Variants in SRSF3 observed in about 807,000 individuals in gnomAD.
The protein encoded by SRSF3 is serine/arginine-rich splicing factor 3.
For missense variants in SRSF3, 58 were observed against 217.1 expected (o/e 0.27, Z 4.61); for synonymous variants, 87 against 73.6 (o/e 1.18, Z -0.93).
At chr6:36,601,672 T>A in intron 4 of SRSF3, 36 bp from the exon 5 acceptor site, 2 of 1,522,172 alleles carry the variant, frequency 1.3e-6, no homozygotes, top group Non-Finnish European at 1.8e-6. Flanking sequence ...AATTTTATCA[T>A]ACCTCATTGG....
chr6:36,599,085 A>G, intron 3 of SRSF3, 102 bp downstream of exon 3: 1 of 1,415,964 alleles, frequency 7.1e-7, no homozygotes, highest in South Asian at 1.3e-5. Context: ...ACTTTGGAAG[A>G]ATCGGAGGTT....
At chr6:36,601,473 G>C (rs1338526325) in intron 4 of SRSF3, 18 of 568,692 alleles carry the variant, frequency 3.2e-5, no homozygotes, top group Non-Finnish European at 5.3e-5. Context: ...TCAGCCTCCT[G>C]AGTAGCTTGG....
At chr6:36,598,010 T>A (rs988533516) in intron 2 of SRSF3, among the ~76,000 whole-genome samples, 1 of 152,056 alleles carries the variant, frequency 6.6e-6, no homozygotes, top group Non-Finnish European at 1.5e-5. Context: ...TATAATTTCT[T>A]CTGTGCTGAC....
chr6:36,595,795 A>G (rs576977481), intron 1 of SRSF3, among the ~76,000 whole-genome samples: 4 of 152,342 alleles, frequency 2.6e-5, no homozygotes, highest in Admixed American at 1.3e-4. Flanking sequence ...ATTTTTTAAA[A>G]AACTGTAAAG....
rs748849636 is a variant in SRSF3, at chr6:36,602,202, T to C, written c.*213T>C. The C allele has an allele frequency of 4.0e-5, 38 of 954,772 alleles. No individual in the cohort carries two copies. Among genetic ancestry groups the C allele is most frequent in the Admixed American group, 7.3e-5 (2 of 27,432 alleles). The allele number at this position is 954,772 out of a possible 1,614,324, so 59.1% of individuals were successfully genotyped here. A position where few individuals can be genotyped will look rare whatever the true frequency, so the allele number is the denominator to read the frequency against. On this transcript the variant is annotated 3_prime_UTR_variant, in exon 6 of 6. Coordinates refer to ENST00000373715, the MANE Select transcript of SRSF3 (RefSeq NM_003017.5). ...CATACGAGGCATGTAATACCAAGAA[T>C]TGTTACTTTACAATGTTCCCTTAAG...
At chr6:36,595,366 T>C (rs1040830017) in intron 1 of SRSF3, among the ~76,000 whole-genome samples, 1 of 152,242 alleles carries the variant, frequency 6.6e-6, no homozygotes, top group Non-Finnish European at 1.5e-5. Flanking sequence ...AATTTTTTAT[T>C]AAAGTGAAAT....
intron 3 of SRSF3, 94 bp from the exon 4 acceptor site, chr6:36,601,058 A>T (rs536565687): frequency 1.3e-6 from 1 of 745,634 alleles, no homozygotes; most frequent in Admixed American, 3.2e-5. Context: ...CGGCACATTC[A>T]CTGGGCCCAA....
chr6:36,601,040 C>T (rs1778707718), intron 3 of SRSF3, 112 bp from the exon 4 acceptor site: 1 of 308,156 alleles, frequency 3.2e-6, no homozygotes, highest in Non-Finnish European at 5.4e-6. Context: ...CGATGGGTGC[C>T]AGTTCTTCGG....
Position 36,602,673 on chromosome 6 carries a change from T to TAC in SRSF3, c.*684_*685insAC. ...ATGTCCTGCCAGTTTAAGGGTACAT[T>TAC]GTAGAGCCGAACTTTGAGTTACTGT... On this transcript the variant is annotated 3_prime_UTR_variant, in exon 6 of 6. Transcript: ENST00000373715. 1 of 215,072 alleles carries TAC rather than the reference T, an allele frequency of 4.6e-6. No individual in the cohort carries two copies. Among genetic ancestry groups the TAC allele is most frequent in the Admixed American group, 5.8e-5 (1 of 17,202 alleles). The allele number at this position is 215,072 out of a possible 1,614,324, so 13.3% of individuals were successfully genotyped here. A position where few individuals can be genotyped will look rare whatever the true frequency, so the allele number is the denominator to read the frequency against.
At chr6:36,596,388 TTC>T (rs1434558630) in intron 1 of SRSF3, among the ~76,000 whole-genome samples, 1 of 152,162 alleles carries the variant, frequency 6.6e-6, no homozygotes, top group Non-Finnish European at 1.5e-5. Context: ...CAGAATTCTC[TTC>T]TGTTTTTCTA....
At chr6:36,598,615 C>A in intron 2 of SRSF3, 1 of 440,794 alleles carries the variant, frequency 2.3e-6, no homozygotes. Context: ...AACTCTTGAC[C>A]TTGTGATCCG....
At chr6:36,597,003 C>G in intron 2 of SRSF3, 35 bp downstream of exon 2, 1 of 1,598,374 alleles carries the variant, frequency 6.3e-7, no homozygotes, top group Non-Finnish European at 8.6e-7. Context: ...AAATGTGTTG[C>G]TTGTGTTTTT....
At chr6:36,599,587 C>T (rs1778685572) in intron 3 of SRSF3, 2 of 334,306 alleles carry the variant, frequency 6.0e-6, no homozygotes, top group African/African-American at 4.3e-5. Flanking sequence ...TCTCCTCAGA[C>T]CTCCAAAATA....
In SRSF3 at chr6:36,604,995, A is replaced by G. The variant is rs1193233599; in HGVS notation, c.*3006A>G. 2.0e-5 allele frequency: 3 copies of G among 152,168 alleles called. No homozygotes were observed. The highest frequency in any genetic ancestry group is 4.4e-5 in the Non-Finnish European group (3 of 68,022). The allele number at this position is 152,168 out of a possible 1,614,324, so 9.4% of individuals were successfully genotyped here. A position where few individuals can be genotyped will look rare whatever the true frequency, so the allele number is the denominator to read the frequency against. On this transcript the variant is annotated 3_prime_UTR_variant, in exon 6 of 6. Transcript: ENST00000373715. ...CCAGATTGTTGCCTTCTGGTTTTCC[A>G]TCTTTTCGAGAAAGATTTCTAGTTA...
chr6:36,596,941 C>G lies in SRSF3; in HGVS notation c.179C>G (p.Ala60Gly). The change falls in exon 2 of 6, where the codon GCT becomes GGT. Residue 60 changes from alanine to glycine, a missense_variant. Physicochemically the swap from Ala to Gly is moderately conservative, Grantham distance 60. Transcript: ENST00000373715. The part of the protein sequence containing the change: ...FVEFEDPRDA[A>G]DAVRELDGRT... ...GAATTTGAAGATCCCCGAGATGCAG[C>G]TGATGCAGTCCGAGAGCTAGATGGA... 1 of 1,614,108 alleles carries G rather than the reference C, an allele frequency of 6.2e-7. No individual in the cohort carries two copies. Among genetic ancestry groups the G allele is most frequent in the Non-Finnish European group, 8.5e-7 (1 of 1,180,018 alleles).
At position 36,605,016 on chromosome 6, in the gene SRSF3, A is replaced by G. The variant is rs1562015296; in HGVS notation, c.*3027A>G. ...TTCCATCTTTTCGAGAAAGATTTCT[A>G]GTTAAAGTTACTGAAGAAAAACTGG... On this transcript the variant is annotated 3_prime_UTR_variant, in exon 6 of 6. Transcript: ENST00000373715. The G allele has an allele frequency of 6.6e-6, 1 of 152,194 alleles. No homozygotes were observed. Among genetic ancestry groups the G allele is most frequent in the Non-Finnish European group, 1.5e-5 (1 of 68,040 alleles). The allele number at this position is 152,194 out of a possible 1,614,324, so 9.4% of individuals were successfully genotyped here. A position where few individuals can be genotyped will look rare whatever the true frequency, so the allele number is the denominator to read the frequency against.
intron 3 of SRSF3, 139 bp from the exon 4 acceptor site, chr6:36,601,001 CTTTTTTTTTTTT>C (rs775227806): frequency 5.7e-4 from 49 of 86,462 alleles, no homozygotes; most frequent in Admixed American, 8.5e-4. Context: ...TCTTTTTTTT[CTTTTTTTTTTTT>C]TTTTTTTTTT....
In SRSF3 at chr6:36,601,986, A is replaced by G. The variant is rs566089088; in HGVS notation, c.492A>G (p.Lys164=). The G allele has an allele frequency of 5.7e-5, 90 of 1,585,926 alleles. 1 individual carries two copies. The South Asian group carries it at 1.0e-3, about 18-fold the overall frequency. The change falls in exon 6 of 6, where the codon AAA becomes AAG. Residue 164 remains lysine, a synonymous_variant. Coordinates refer to ENST00000373715, the MANE Select transcript of SRSF3 (RefSeq NM_003017.5). Reference sequence around the variant, plus strand: ...GTCGATCTAGGTCAAATGAAAGGAAATAGAAGACAGTTTGCAAGAGAAGTG... The same window carrying G: ...GTCGATCTAGGTCAAATGAAAGGAAGTAGAAGACAGTTTGCAAGAGAAGTG... The part of the protein sequence containing the change: ...SRSRSRSNER[K]
intron 2 of SRSF3, among the ~76,000 whole-genome samples, chr6:36,597,912 C>T (rs566496578): frequency 7.3e-5 from 11 of 151,590 alleles, no homozygotes; most frequent in Admixed American, 2.6e-4. Flanking sequence ...CCAGGCTGGC[C>T]TCAAGCTCCT....
Sources: allele counts gnomAD v4.1 joint callset (sites outside exome capture counted in the v4.1 genomes callset), GRCh38; gene constraint gnomAD v4.1.1; transcripts MANE v1.5; gene names NCBI Gene and HGNC (gene_info 2026-07-23, HGNC 2026-07-21).